Variants in CDC42SE2 observed in about 807,000 individuals in gnomAD.
The protein encoded by CDC42SE2 is CDC42 small effector 2, also known as CDC42 small effector protein 2.
In CDC42SE2, 3 loss-of-function variants were observed where a neutral mutation model predicts 11.5. The ratio of observed to expected loss-of-function variants is 0.26; its 90% CI spans 0.12 to 0.67. The LOEUF (loss-of-function observed/expected upper bound fraction) is 0.67. Among genes scored for constraint, CDC42SE2 ranks in the 30% least tolerant of loss-of-function variants. CDC42SE2 has a pLI of 0.80. For missense variants in CDC42SE2, 82 were observed against 106.8 expected (o/e 0.77, Z 1.02); for synonymous variants, 33 against 34.8 (o/e 0.95, Z 0.18).
chr5:131,254,894 T>C (rs1756668539), intron 1 of CDC42SE2, among the ~76,000 whole-genome samples: 2 of 152,176 alleles, frequency 1.3e-5, no homozygotes, highest in South Asian at 2.1e-4. Flanking sequence ...CGATTTGTCA[T>C]ATGTTTTGGA....
At chr5:131,210,307 C>T in the CDC42SE2 span, among the ~76,000 whole-genome samples, 1 of 152,198 alleles carries the variant, frequency 6.6e-6, no homozygotes, top group South Asian at 2.1e-4. Context: ...TTCCACCTTG[C>T]TTTTAACCAC....
intron 1 of CDC42SE2, among the ~76,000 whole-genome samples, chr5:131,284,475 ATTTC>A (rs748006522): frequency 1.3e-5 from 2 of 152,020 alleles, no homozygotes; most frequent in Non-Finnish European, 2.9e-5. Context: ...ATGGTTATTA[ATTTC>A]TTTATTTTTA....
chr5:131,249,002 G>A (rs1231998407), intron 1 of CDC42SE2, among the ~76,000 whole-genome samples: 2 of 145,274 alleles, frequency 1.4e-5, no homozygotes, highest in Non-Finnish European at 3.0e-5. Flanking sequence ...TCCATGAATA[G>A]CCAGGTTACA....
intron 2 of CDC42SE2, among the ~76,000 whole-genome samples, chr5:131,329,920 A>AAAG (rs1561586636): frequency 4.8e-4 from 68 of 141,888 alleles, no homozygotes; most frequent in East Asian, 4.2e-3. Context: ...AAAAAAAAAA[A>AAAG]AAGAAGAAGC....
intron 1 of CDC42SE2, among the ~76,000 whole-genome samples, chr5:131,277,377 A>G (rs1417812325): frequency 6.6e-6 from 1 of 152,226 alleles, no homozygotes; most frequent in Non-Finnish European, 1.5e-5. Flanking sequence ...AGAAAACTGA[A>G]TACAATTAAT....
At chr5:131,374,512 C>T (rs1447080332) in intron 3 of CDC42SE2, among the ~76,000 whole-genome samples, 2 of 115,636 alleles carry the variant, frequency 1.7e-5, no homozygotes, top group African/African-American at 7.0e-5. Flanking sequence ...GCCTGGGCAA[C>T]AGAGTGAGAC....
chr5:131,341,273 GA>G (rs1008778470), intron 2 of CDC42SE2, among the ~76,000 whole-genome samples: 2 of 151,836 alleles, frequency 1.3e-5, no homozygotes, highest in African/African-American at 4.8e-5. Context: ...AAGAGTTAAG[GA>G]AAAAAATGTT....
rs372830534 is a variant in CDC42SE2 at position 131,246,065 on chromosome 5, C to CTGGACATAA, written n.107+466_107+467insTGGACATAA. Among the ~76,000 whole-genome samples, 44 of 152,278 alleles carry CTGGACATAA rather than the reference C, an allele frequency of 2.9e-4. No homozygotes were observed. In the East Asian group the frequency reaches 7.5e-3, roughly 26 times the overall value. ...TTCTATTACTTTTATACCTGAAAAA[C>CTGGACATAA]AATTTAACTGGACATAAAATTGTTG... On this transcript the variant is annotated intron_variant and non_coding_transcript_variant, in intron 1 of 3. Coordinates refer to the CDC42SE2 transcript ENST00000502840.
chr5:131,312,513 G>T (rs1757943571), intron 1 of CDC42SE2, among the ~76,000 whole-genome samples: 1 of 152,200 alleles, frequency 6.6e-6, no homozygotes, highest in Non-Finnish European at 1.5e-5. Flanking sequence ...GCAAGCCTGG[G>T]CAATGGTGGG....
intron 1 of CDC42SE2, among the ~76,000 whole-genome samples, chr5:131,268,754 C>CTTTTTTTTTTTTTT (rs11370516): frequency 1.0e-5 from 1 of 96,892 alleles, no homozygotes. Flanking sequence ...ACCCGGATTG[C>CTTTTTTTTTTTTTT]TTTTTTTTTT....
chr5:131,223,296 G>A, the CDC42SE2 span, among the ~76,000 whole-genome samples: 1 of 152,054 alleles, frequency 6.6e-6, no homozygotes, highest in Admixed American at 6.6e-5. Context: ...AAAATACCTG[G>A]AGCGTGTTTT....
At chr5:131,234,818 G>T in the CDC42SE2 span, among the ~76,000 whole-genome samples, 1 of 151,658 alleles carries the variant, frequency 6.6e-6, no homozygotes, top group African/African-American at 2.4e-5. Context: ...TAGTTTAGAA[G>T]AAATAATTTG....
chr5:131,337,095 G>T (rs1343238014), intron 2 of CDC42SE2, among the ~76,000 whole-genome samples: 3 of 152,036 alleles, frequency 2.0e-5, no homozygotes, highest in African/African-American at 7.2e-5. Context: ...GCATCTTTGT[G>T]GTTTTATCTA....
At chr5:131,311,512 CTCCTGGATAATA>C (rs1325014442) in intron 1 of CDC42SE2, among the ~76,000 whole-genome samples, 1 of 151,848 alleles carries the variant, frequency 6.6e-6, no homozygotes, top group Non-Finnish European at 1.5e-5. Flanking sequence ...TGGGGAAGTT[CTCCTGGATAATA>C]TCCTGCAGAG....
In CDC42SE2 at chr5:131,266,773, C is replaced by A. The variant is rs187250936; in HGVS notation, c.-455+2607C>A. Among the ~76,000 whole-genome samples, 5 of 152,002 alleles carry A rather than the reference C, an allele frequency of 3.3e-5. No homozygotes were observed. In the East Asian group the frequency reaches 9.7e-4, roughly 29 times the overall value. ...TCTAGAAAAAATAAGGAAAGTAATT[C>A]TTCAAATTTTAGTGATAGAGAATTG... On this transcript the variant is annotated intron_variant, in intron 1 of 4. Coordinates refer to ENST00000505065, the MANE Select transcript of CDC42SE2 (RefSeq NM_001375635.1).
At chr5:131,367,620 C>T (rs573789674) in intron 3 of CDC42SE2, among the ~76,000 whole-genome samples, 4 of 152,194 alleles carry the variant, frequency 2.6e-5, no homozygotes, top group Non-Finnish European at 4.4e-5. Context: ...GCTTGTTGCT[C>T]GGTATGGTTT....
At chr5:131,383,610 T>C (rs556507440) in intron 3 of CDC42SE2, among the ~76,000 whole-genome samples, 8 of 152,078 alleles carry the variant, frequency 5.3e-5, no homozygotes, top group Non-Finnish European at 7.4e-5. Context: ...ATAACCATAA[T>C]GGAAAAAATG....
intron 1 of CDC42SE2, among the ~76,000 whole-genome samples, chr5:131,281,512 G>T (rs1179751806): frequency 3.3e-5 from 5 of 152,148 alleles, no homozygotes; most frequent in Non-Finnish European, 1.5e-5. Context: ...AAAGTGTTTA[G>T]AATTATTCCA....
At chr5:131,367,949 C>A (rs1014569757) in intron 3 of CDC42SE2, among the ~76,000 whole-genome samples, 11 of 152,062 alleles carry the variant, frequency 7.2e-5, no homozygotes, top group African/African-American at 2.7e-4. Context: ...TGTCCCACAG[C>A]GACTTCATAA....
Sources: gnomAD v4.1 joint callset for allele counts (sites outside exome capture counted in the v4.1 genomes callset) on GRCh38, gnomAD v4.1.1 for gene constraint, MANE v1.5 for transcripts, NCBI Gene and HGNC (gene_info 2026-07-23, HGNC 2026-07-21) for gene names.